Variants in SLCO2A1 observed in about 807,000 individuals in gnomAD.
SLCO2A1 encodes matrin F/G 1.
A neutral mutation model predicts 71.7 loss-of-function variants in SLCO2A1; 60 were observed. That is an observed-to-expected ratio of 0.84 (90% confidence interval 0.68 to 1.04). The LOEUF is 1.04. Among genes scored for constraint, SLCO2A1 ranks in the 50% least tolerant of loss-of-function variants. The probability of loss-of-function intolerance (pLI) is 0.00; values close to 1 mark genes in which losing one functional copy is unlikely to be tolerated. For synonymous variants in SLCO2A1, 308 were observed against 326.7 expected (o/e 0.94, Z 0.62); for missense variants, 745 against 813.4 (o/e 0.92, Z 1.02).
chr3:134,019,466 T>C (rs1394675506), intron 1 of SLCO2A1, among the ~76,000 whole-genome samples: 1 of 152,254 alleles, frequency 6.6e-6, no homozygotes, highest in Non-Finnish European at 1.5e-5. Flanking sequence ...GGTGGAACAA[T>C]TGTTCCTAAA....
intron 1 of SLCO2A1, among the ~76,000 whole-genome samples, chr3:134,018,490 G>A (rs906780678): frequency 2.6e-5 from 4 of 152,116 alleles, no homozygotes; most frequent in Admixed American, 6.5e-5. Context: ...GAAGTCACCA[G>A]GGCCACCGAA....
At chr3:133,969,000 A>G (rs1432095003) in intron 3 of SLCO2A1, among the ~76,000 whole-genome samples, 3 of 152,118 alleles carry the variant, frequency 2.0e-5, no homozygotes, top group Non-Finnish European at 4.4e-5. Flanking sequence ...TTTTTTTCCT[A>G]AAACACATTG....
At chr3:134,012,845 A>C (rs1935370004) in intron 1 of SLCO2A1, among the ~76,000 whole-genome samples, 1 of 151,984 alleles carries the variant, frequency 6.6e-6, no homozygotes, top group South Asian at 2.1e-4. Context: ...TCTCCTCGGC[A>C]CTTCCCCTGC....
At chr3:133,940,542 C>A (rs4241359) in intron 11 of SLCO2A1, among the ~76,000 whole-genome samples, 1 of 151,912 alleles carries the variant, frequency 6.6e-6, no homozygotes, top group Non-Finnish European at 1.5e-5. Context: ...TGCTGCATAG[C>A]GACTTGCCAG....
intron 1 of SLCO2A1, among the ~76,000 whole-genome samples, chr3:133,999,022 C>T (rs1935042508): frequency 6.6e-6 from 1 of 152,244 alleles, no homozygotes. Context: ...TCTTGCCTGC[C>T]TAGCTCTGAC....
intron 10 of SLCO2A1, among the ~76,000 whole-genome samples, chr3:133,944,872 G>A (rs1048970189): frequency 1.2e-4 from 18 of 152,210 alleles, no homozygotes; most frequent in African/African-American, 3.6e-4. Flanking sequence ...GTTGGACATC[G>A]GCCAGTCTTT....
At chr3:133,945,349 T>G (rs1933547741) in intron 9 of SLCO2A1, 89 bp from the exon 10 acceptor site, 2 of 1,262,014 alleles carry the variant, frequency 1.6e-6, no homozygotes, top group Non-Finnish European at 2.2e-6. Context: ...CCTGGCCTGG[T>G]GAGTGTGTCT....
At chr3:133,974,292 T>C (rs2108055600) in intron 2 of SLCO2A1, among the ~76,000 whole-genome samples, 1 of 152,310 alleles carries the variant, frequency 6.6e-6, no homozygotes, top group East Asian at 1.9e-4. Flanking sequence ...CTTGGCTTGG[T>C]GGCCAGAATA....
At chr3:134,003,939 A>T (rs1381446978) in intron 1 of SLCO2A1, among the ~76,000 whole-genome samples, 3 of 152,212 alleles carry the variant, frequency 2.0e-5, no homozygotes, top group Non-Finnish European at 4.4e-5. Context: ...AGGGAAAAAA[A>T]GAGAGAGAAA....
chr3:133,962,946 G>A (rs1934075706), intron 3 of SLCO2A1, among the ~76,000 whole-genome samples: 1 of 152,130 alleles, frequency 6.6e-6, no homozygotes, highest in Non-Finnish European at 1.5e-5. Context: ...GTATCAGTCT[G>A]TTTCTCATCT....
At chr3:133,954,003 C>G (rs918376009) in intron 4 of SLCO2A1, among the ~76,000 whole-genome samples, 3 of 152,088 alleles carry the variant, frequency 2.0e-5, no homozygotes, top group Non-Finnish European at 4.4e-5. Context: ...AGGAAGGAAA[C>G]AGGCTCCAAG....
chr3:133,942,203 A>AG (rs1559928948), intron 11 of SLCO2A1: 1 of 154,838 alleles, frequency 6.5e-6, no homozygotes, highest in African/African-American at 2.4e-5. Flanking sequence ...CATGTTGGCC[A>AG]GGCTGGTCTT....
rs746160925 is a variant in SLCO2A1 at position 133,948,538 on chromosome 3, A to G, written c.1103T>C (p.Ile368Thr). The G allele has an allele frequency of 5.6e-6, 9 of 1,613,330 alleles. No homozygotes were observed. The highest frequency in any genetic ancestry group is 2.2e-5 in the South Asian group (2 of 90,930). ...CCTGCAGCACCCTCTGGGCTCACCA[A>G]TGAGGAAGTTGGCATAGGCTGCTGA... Reference protein sequence around the residue: ...GTSAAYANFLIGAVNLPAAAL... With the variant: ...GTSAAYANFLTGAVNLPAAAL... The change falls in exon 8 of 14, where the codon ATT (isoleucine) becomes ACT (threonine). Residue 368 changes from isoleucine (I) to threonine (T), a missense_variant and splice_region_variant. Transcript: ENST00000310926.
At chr3:134,009,517 T>G (rs1935288200) in intron 1 of SLCO2A1, among the ~76,000 whole-genome samples, 3 of 152,250 alleles carry the variant, frequency 2.0e-5, no homozygotes, top group Admixed American at 1.3e-4. Context: ...AGTCATATGA[T>G]AAAGCATTAT....
rs185982798 is a variant in SLCO2A1 at position 133,933,617 on chromosome 3, T to C, written c.*1096A>G. ...TGAGAAAATGGGAATGGTATGAGCA[T>C]GTCTGAAACCAGGAAAGCCAACCTG... On this transcript the variant is annotated 3_prime_UTR_variant, in exon 14 of 14. Coordinates refer to ENST00000310926, the MANE Select transcript of SLCO2A1 (RefSeq NM_005630.3). 3.9e-5 allele frequency: 6 copies of C among 152,386 alleles called. No homozygotes were observed. Among genetic ancestry groups the C allele is most frequent in the Non-Finnish European group, 8.8e-5 (6 of 68,044 alleles). 9.4% of individuals were successfully genotyped at this position (152,386 alleles called of 1,614,324 possible).
At chr3:133,964,160 G>A (rs1402783366) in intron 3 of SLCO2A1, among the ~76,000 whole-genome samples, 3 of 152,142 alleles carry the variant, frequency 2.0e-5, no homozygotes, top group Admixed American at 6.5e-5. Context: ...ATGAGTTGAC[G>A]TTGACAGTCT....
rs796295875 is a variant in SLCO2A1 at position 133,933,009 on chromosome 3, A to G, written c.*1704T>C. On this transcript the variant is annotated 3_prime_UTR_variant, in exon 14 of 14. Coordinates refer to ENST00000310926, the MANE Select transcript of SLCO2A1 (RefSeq NM_005630.3). ...CTTGTCTGTAACAGTGGTTTCCACA[A>G]AGACTTCAGTCTCATGGCATTGGAC... 1 of 152,674 alleles carries G rather than the reference A, an allele frequency of 6.5e-6. No homozygotes were observed. Among genetic ancestry groups the G allele is most frequent in the Admixed American group, 6.5e-5 (1 of 15,286 alleles). 9.5% of individuals were successfully genotyped at this position (152,674 alleles called of 1,614,324 possible).
At chr3:133,981,483 G>A (rs770497877) in intron 1 of SLCO2A1, among the ~76,000 whole-genome samples, 1 of 152,140 alleles carries the variant, frequency 6.6e-6, no homozygotes, top group Non-Finnish European at 1.5e-5. Flanking sequence ...TGGGGAGGTG[G>A]GAGTGCCTTT....
chr3:133,941,680 A>G (rs904413188), intron 11 of SLCO2A1, among the ~76,000 whole-genome samples: 3 of 151,744 alleles, frequency 2.0e-5, no homozygotes, highest in African/African-American at 7.3e-5. Context: ...GTAACGGGAC[A>G]CCCCGCTCCT....
Sources: allele counts gnomAD v4.1 joint callset (sites outside exome capture counted in the v4.1 genomes callset), GRCh38; gene constraint gnomAD v4.1.1; transcripts MANE v1.5; gene names NCBI Gene and HGNC (gene_info 2026-07-23, HGNC 2026-07-21).